The following ANKUB1 variants were observed in gnomAD, a reference collection of about 807,000 sequenced individuals.
ANKUB1 encodes protein ANKUB1.
Under a neutral mutation model 49.3 loss-of-function variants are expected in ANKUB1, and 42 were observed. The ratio of observed to expected loss-of-function variants is 0.85; its 90% CI spans 0.67 to 1.10. The LOEUF (loss-of-function observed/expected upper bound fraction) is 1.10, where lower values mean the gene tolerates loss of function less well. ANKUB1 is among the 50% of genes least tolerant of loss of function. ANKUB1 has a pLI of 0.00. For synonymous variants in ANKUB1, 222 were observed against 231.0 expected (o/e 0.96, Z 0.35); for missense variants, 613 against 642.0 (o/e 0.95, Z 0.49).
At chr3:149,762,742 C>A (rs1189377491) in intron 5 of ANKUB1, among the ~76,000 whole-genome samples, 1 of 152,214 alleles carries the variant, frequency 6.6e-6, no homozygotes, top group Non-Finnish European at 1.5e-5. Context: ...CCTCCTACCC[C>A]ATGGAAGGGG....
intron 1 of ANKUB1, among the ~76,000 whole-genome samples, chr3:149,791,583 C>T (rs1718363057): frequency 1.3e-5 from 2 of 152,192 alleles, no homozygotes; most frequent in South Asian, 4.1e-4. Context: ...TCATAATAAT[C>T]TACTGAATAT....
Position 149,767,558 on chromosome 3 carries a change from G to T in ANKUB1, c.1104C>A (p.Ser368Arg), listed in dbSNP as rs751537489. 5.8e-6 allele frequency: 9 copies of T among 1,551,616 alleles called. No individual in the cohort carries two copies. The highest frequency in any genetic ancestry group is 1.7e-4 in the Middle Eastern group (1 of 5,992). ...TSKSWHKAGN[S>R]DSQSIVLKLP... ...GCTTGAGCACGATGCTTTGTGAGTC[G>T]CTGTTCCCAGCCTTATGCCAGCTCT... is the stretch of plus-strand genomic sequence containing the variant. Residue 368 changes from serine to arginine, a missense_variant, in exon 5 of 6, where the codon AGC (serine) becomes AGA (arginine). Transcript: ENST00000446160.
rs894782858 is a variant in ANKUB1 at position 149,767,307 on chromosome 3, G to A, written c.1355C>T (p.Pro452Leu). ...KNTYLPQVPL[P>L]PVSRVGYSHP... ...TGAATATCCCACTCTTGAAACTGGA[G>A]GGAGGGGGACTTGGGGAAGATATGT... Residue 452 changes from proline (P) to leucine (L), a missense_variant, in exon 5 of 6, where the codon CCT becomes CTT. Pro to Leu is a moderately conservative substitution (Grantham distance 98). Transcript: ENST00000446160. The A allele has an allele frequency of 1.9e-6, 3 of 1,551,540 alleles. No individual in the cohort carries two copies. The highest frequency in any genetic ancestry group is 3.9e-5 in the Admixed American group (2 of 50,968).
At chr3:149,768,299 C>T (rs961663180) in intron 4 of ANKUB1, among the ~76,000 whole-genome samples, 108 of 152,146 alleles carry the variant, frequency 7.1e-4, no homozygotes, top group Non-Finnish European at 2.2e-4. Context: ...CTACTATGCA[C>T]GTGTAAATAG....
intron 5 of ANKUB1, among the ~76,000 whole-genome samples, chr3:149,766,389 T>C (rs972053602): frequency 6.6e-6 from 1 of 152,228 alleles, no homozygotes; most frequent in Non-Finnish European, 1.5e-5. Flanking sequence ...TATGACACTT[T>C]TTATGTCTCC....
At chr3:149,768,366 A>G (rs1298893798) in intron 4 of ANKUB1, among the ~76,000 whole-genome samples, 1 of 152,204 alleles carries the variant, frequency 6.6e-6, no homozygotes, top group African/African-American at 2.4e-5. Flanking sequence ...AATATCATGC[A>G]TGGGGAAATA....
chr3:149,766,931 C>T, intron 5 of ANKUB1: 1 of 1,124,138 alleles, frequency 8.9e-7, no homozygotes, highest in South Asian at 1.4e-5. Flanking sequence ...TCTTTCCCTC[C>T]TGAAAGTTTG....
chr3:149,763,852 G>C, intron 5 of ANKUB1: 1 of 455,114 alleles, frequency 2.2e-6, no homozygotes. Flanking sequence ...TGTGTTAACT[G>C]CATAATGCCA....
chr3:149,792,486 T>G lies in ANKUB1; in HGVS notation c.-120A>C. 1.5e-6 allele frequency: 1 copy of G among 678,938 alleles called. No individual in the cohort carries two copies. The highest frequency in any genetic ancestry group is 2.3e-6 in the Non-Finnish European group (1 of 434,218). The allele number at this position is 678,938 out of a possible 1,614,324, so 42.1% of individuals were successfully genotyped here. A position where few individuals can be genotyped will look rare whatever the true frequency, so the allele number is the denominator to read the frequency against. ...TGATAGCCAGAGGCAGCTGTCACTG[T>G]CTAGCCTCAAAGGTAAGTTGTAGAA... is the stretch of plus-strand genomic sequence containing the variant. On this transcript the variant is annotated 5_prime_UTR_variant, in exon 1 of 6. Coordinates refer to ENST00000446160, the MANE Select transcript of ANKUB1 (RefSeq NM_001144960.3).
At position 149,780,360 on chromosome 3, in the gene ANKUB1, A is replaced by C. The variant is rs16862241; in HGVS notation, c.330T>G (p.Ser110=). ...ESISLLDKTV[S]DLRTLVTLRC... The stretch of plus-strand genomic sequence containing the variant: ...TCAGAGTTACCAGTGTTCTCAGATC[A>C]GACACTGTTTTATCAAGAAGGGAAA... Residue 110 remains serine (S), a synonymous_variant, in exon 3 of 6, where the codon TCT becomes TCG. Coordinates refer to ENST00000446160, the MANE Select transcript of ANKUB1 (RefSeq NM_001144960.3). 1,049 of 1,551,988 alleles carry C rather than the reference A, an allele frequency of 6.8e-4. 10 individuals are homozygous for C. In the African/African-American group the frequency reaches 0.013, roughly 19 times the overall value.
intron 3 of ANKUB1, among the ~76,000 whole-genome samples, chr3:149,773,083 G>A (rs1717436058): frequency 6.6e-6 from 1 of 152,170 alleles, no homozygotes; most frequent in Admixed American, 6.5e-5. Context: ...TCCCTGGAAT[G>A]TGTCTTTAGG....
Position 149,767,924 on chromosome 3 carries a change from T to C in ANKUB1, c.738A>G (p.Ala246=). 3 of 1,550,292 alleles carry C rather than the reference T, an allele frequency of 1.9e-6. No individual in the cohort carries two copies. The highest frequency in any genetic ancestry group is 2.6e-6 in the Non-Finnish European group (3 of 1,145,758). The change falls in exon 5 of 6, where the codon GCA becomes GCG. Residue 246 remains alanine, a synonymous_variant. Transcript: ENST00000446160. ...TCAACAGTTGGCCTGCTTCTGCGGC[T>C]GCATGAATGGGGCATTTAGAGACAT... ...HADVSKCPIH[A]AAEAGQLLIL...
chr3:149,779,780 T>C (rs1176330151), intron 3 of ANKUB1: 1 of 164,488 alleles, frequency 6.1e-6, no homozygotes, highest in Admixed American at 5.7e-5. Context: ...ACCCTGAGGA[T>C]ATTAATGAAT....
chr3:149,761,276 A>G lies in ANKUB1; in HGVS notation c.*208T>C, dbSNP rs993923680. 3 of 488,290 alleles carry G rather than the reference A, an allele frequency of 6.1e-6. No individual in the cohort carries two copies. Among genetic ancestry groups the G allele is most frequent in the African/African-American group, 5.8e-5 (3 of 51,440 alleles). The allele number at this position is 488,290 out of a possible 1,614,324, so 30.2% of individuals were successfully genotyped here. The stretch of plus-strand genomic sequence containing the variant: ...CTAAGTTTCTTCTGAATTCTTCCTC[A>G]TATTCTTTATGCAAAAATAGCACTA... On this transcript the variant is annotated 3_prime_UTR_variant, in exon 6 of 6. Transcript: ENST00000446160.
At chr3:149,763,332 T>A (rs1281002141) in intron 5 of ANKUB1, among the ~76,000 whole-genome samples, 3 of 152,222 alleles carry the variant, frequency 2.0e-5, no homozygotes, top group African/African-American at 7.2e-5. Context: ...ATTCTCTCCC[T>A]GGCATTTGAA....
intron 3 of ANKUB1, among the ~76,000 whole-genome samples, chr3:149,773,027 A>G (rs1717433088): frequency 2.6e-5 from 4 of 152,242 alleles, no homozygotes; most frequent in Admixed American, 2.0e-4. Context: ...GTTCAGAGAC[A>G]CATGAATTGC....
chr3:149,764,128 G>A (rs547635601), intron 5 of ANKUB1: 33 of 429,138 alleles, frequency 7.7e-5, no homozygotes, highest in Admixed American at 2.2e-4. Context: ...TCAAGATAGC[G>A]TCCATCCATT....
At chr3:149,782,539 A>G (rs117305708) in intron 2 of ANKUB1, among the ~76,000 whole-genome samples, 1 of 152,188 alleles carries the variant, frequency 6.6e-6, no homozygotes, top group East Asian at 1.9e-4. Context: ...ATAAGGGAGA[A>G]CTGCAAAATA....
chr3:149,789,860 C>A (rs1468150833), intron 2 of ANKUB1, among the ~76,000 whole-genome samples: 1 of 152,132 alleles, frequency 6.6e-6, no homozygotes, highest in East Asian at 1.9e-4. Context: ...TATCTCCTGA[C>A]CTCATGATCT....
Sources: gnomAD v4.1 joint callset for allele counts (sites outside exome capture counted in the v4.1 genomes callset) on GRCh38, gnomAD v4.1.1 for gene constraint, MANE v1.5 for transcripts, NCBI Gene and HGNC (gene_info 2026-07-23, HGNC 2026-07-21) for gene names.